Variants in UPK1A observed in about 807,000 individuals in gnomAD.
UPK1A encodes uroplakin-1a.
Under a neutral mutation model 32.3 loss-of-function variants are expected in UPK1A, and 31 were observed. That is an observed-to-expected ratio of 0.96 (90% CI 0.72 to 1.30). UPK1A has a LOEUF of 1.30. Among genes scored for constraint, UPK1A ranks in the 50% most tolerant of loss-of-function variants. The pLI is 0.00. For synonymous variants in UPK1A, 135 were observed against 137.1 expected (o/e 0.98, Z 0.11); for missense variants, 340 against 357.4 (o/e 0.95, Z 0.39).
chr19:35,671,926 T>G (rs1373954418), intron 3 of UPK1A, among the ~76,000 whole-genome samples: 1 of 152,136 alleles, frequency 6.6e-6, no homozygotes, highest in African/African-American at 2.4e-5. Flanking sequence ...TGAAGCACAT[T>G]CTAGATGCCA....
chr19:35,675,863 T>A (rs1968172063), exon 6 of UPK1A: 6 of 1,613,184 alleles, frequency 3.7e-6, no homozygotes, highest in Non-Finnish European at 5.1e-6. Flanking sequence ...GCACATCTGG[T>A]CCCATGGACT....
chr19:35,677,520 C>T (rs1471033415), intron 6 of UPK1A, among the ~76,000 whole-genome samples: 18 of 148,526 alleles, frequency 1.2e-4, no homozygotes, highest in Non-Finnish European at 5.9e-5. Flanking sequence ...AGGGAGACTG[C>T]GAGACTGTCT....
At chr19:35,676,195 CT>C (rs747589460) in intron 6 of UPK1A, 176 bp downstream of exon 6, 36,935 of 537,966 alleles carry the variant, frequency 0.069, no homozygotes, top group Middle Eastern at 0.087. Flanking sequence ...TTCTTTCTTT[CT>C]TTTTTTTTTT....
At chr19:35,671,677 T>C (rs969754665) in intron 3 of UPK1A, among the ~76,000 whole-genome samples, 2 of 151,366 alleles carry the variant, frequency 1.3e-5, no homozygotes, top group Non-Finnish European at 2.9e-5. Flanking sequence ...TTAGCCAGGA[T>C]GGTCTCGATC....
intron 3 of UPK1A, among the ~76,000 whole-genome samples, chr19:35,671,816 C>T (rs890999926): frequency 6.6e-6 from 1 of 152,004 alleles, no homozygotes; most frequent in African/African-American, 2.4e-5. Flanking sequence ...AGTATTTGAG[C>T]CCTGCATACC....
intron 6 of UPK1A, 89 bp from the exon 7 acceptor site, chr19:35,677,723 G>T: frequency 1.3e-6 from 2 of 1,483,110 alleles, no homozygotes; most frequent in Admixed American, 1.8e-5. Context: ...AGGGAAGGTG[G>T]TGACTTTCCC....
intron 3 of UPK1A, among the ~76,000 whole-genome samples, chr19:35,670,889 A>G (rs1968084543): frequency 6.6e-6 from 1 of 150,548 alleles, no homozygotes; most frequent in Non-Finnish European, 1.5e-5. Flanking sequence ...TAATTTTTGT[A>G]TTTTTTGTAG....
rs757343040 is a variant in UPK1A, at chr19:35,677,958, C to T, written c.733-17C>T. ...GGTGGGGGGCGGAGTGCCCTCATCT[C>T]GCTGCCTCCTCGCCAGCTCCCGGTC... On this transcript the variant is annotated splice_polypyrimidine_tract_variant and intron_variant, in intron 7 of 7. Transcript: ENST00000617999. 7 of 1,592,408 alleles carry T rather than the reference C, an allele frequency of 4.4e-6. No homozygotes were observed. In the South Asian group the frequency reaches 4.5e-5, roughly 10 times the overall value.
At chr19:35,667,239 G>A (rs1968012607) in intron 2 of UPK1A, among the ~76,000 whole-genome samples, 1 of 152,202 alleles carries the variant, frequency 6.6e-6, no homozygotes, top group African/African-American at 2.4e-5. Flanking sequence ...ACAGCCTGGT[G>A]CACAGGAGGC....
At position 35,678,216 on chromosome 19, in the gene UPK1A, G is replaced by A. The variant is rs1315518141; in HGVS notation, c.*197G>A. 6 of 609,700 alleles carry A rather than the reference G, an allele frequency of 9.8e-6. No individual in the cohort carries two copies. The Middle Eastern group carries it at 1.8e-3, about 181-fold the overall frequency. 37.8% of individuals were successfully genotyped at this position (609,700 alleles called of 1,614,324 possible). A position where few individuals can be genotyped will look rare whatever the true frequency, so the allele number is the denominator to read the frequency against. Reference sequence around the variant, plus strand: ...GGTGTGCCCTGAAACCCCAGGGCTTGTGTGCACATATCCTTAGCCCATCTT... The same window carrying A: ...GGTGTGCCCTGAAACCCCAGGGCTTATGTGCACATATCCTTAGCCCATCTT... On this transcript the variant is annotated 3_prime_UTR_variant, in exon 8 of 8. Coordinates refer to ENST00000617999, the Ensembl canonical transcript of UPK1A.
chr19:35,673,602 T>C, intron 5 of UPK1A, 57 bp downstream of exon 5: 4 of 1,499,852 alleles, frequency 2.7e-6, no homozygotes, highest in Non-Finnish European at 3.7e-6. Flanking sequence ...CAGAGGCCGA[T>C]AGAGCTCCCG....
At chr19:35,671,242 C>G (rs563144343) in intron 3 of UPK1A, among the ~76,000 whole-genome samples, 2 of 151,060 alleles carry the variant, frequency 1.3e-5, no homozygotes, top group East Asian at 2.0e-4. Flanking sequence ...AAAAAATTAA[C>G]CAGGCGTGGT....
exon 3 of UPK1A, chr19:35,668,616 G>A (rs1370278846): frequency 6.2e-7 from 1 of 1,613,864 alleles, no homozygotes; most frequent in African/African-American, 1.3e-5. Context: ...TTTTGGTGTG[G>A]GTGCCGCACT....
At chr19:35,668,755 C>G in intron 3 of UPK1A, 101 bp downstream of exon 3, 1 of 1,286,380 alleles carries the variant, frequency 7.8e-7, no homozygotes, top group Non-Finnish European at 1.1e-6. Flanking sequence ...GTGAGTTCCC[C>G]ATGGTGTCAC....
At chr19:35,670,544 C>T (rs1302550563) in intron 3 of UPK1A, among the ~76,000 whole-genome samples, 8 of 67,842 alleles carry the variant, frequency 1.2e-4, no homozygotes, top group Admixed American at 8.3e-4. Flanking sequence ...CCCTCCTTTC[C>T]CCTCCCCTCC....
intron 6 of UPK1A, 61 bp from the exon 7 acceptor site, chr19:35,677,751 C>G (rs770236983): frequency 1.0e-5 from 16 of 1,599,464 alleles, no homozygotes; most frequent in Non-Finnish European, 1.3e-5. Flanking sequence ...CACAGTGACT[C>G]TCGCTTTCAG....
chr19:35,667,005 A>G, intron 2 of UPK1A, 109 bp downstream of exon 2: 2 of 1,100,548 alleles, frequency 1.8e-6, no homozygotes, highest in Non-Finnish European at 2.7e-6. Flanking sequence ...GGGCAGACTC[A>G]GTGGTCAGCA....
At chr19:35,667,311 GTTTTGTTTTGTTT>G (rs1410270668) in intron 2 of UPK1A, among the ~76,000 whole-genome samples, 2 of 28,700 alleles carry the variant, frequency 7.0e-5, no homozygotes, top group African/African-American at 6.6e-4. Context: ...TGTGTTTTTT[GTTTTGTTTTGTTT>G]TGTTTTGTTT....
At chr19:35,672,588 G>A (rs1455026225) in intron 3 of UPK1A, among the ~76,000 whole-genome samples, 1 of 152,068 alleles carries the variant, frequency 6.6e-6, no homozygotes, top group African/African-American at 2.4e-5. Flanking sequence ...TGTTTTAAGA[G>A]ACAGGGTTTT....
Sources: gnomAD v4.1 joint callset for allele counts (sites outside exome capture counted in the v4.1 genomes callset) on GRCh38, gnomAD v4.1.1 for gene constraint, MANE v1.5 for transcripts, NCBI Gene and HGNC (gene_info 2026-07-23, HGNC 2026-07-21) for gene names.